Variants in C4orf51 observed in about 807,000 individuals in gnomAD.
C4orf51 encodes the protein uncharacterized protein C4orf51.
A neutral mutation model predicts 25.2 loss-of-function variants in C4orf51; 25 were observed. The observed-to-expected ratio is 0.99, with a 90% confidence interval of 0.72 to 1.39. The LOEUF (loss-of-function observed/expected upper bound fraction) is 1.39, where lower values mean the gene tolerates loss of function less well. Among genes scored for constraint, C4orf51 ranks in the 40% most tolerant of loss-of-function variants. The pLI, the probability that C4orf51 is intolerant of heterozygous loss-of-function variation, is 0.00. For missense variants in C4orf51, 252 were observed against 239.6 expected, an observed-to-expected ratio of 1.05 and a Z score of -0.34; for synonymous variants, 100 against 84.5, an observed-to-expected ratio of 1.18 and a Z score of -1.01.
chr4:145,697,648 A>T (rs1742718746), intron 2 of C4orf51, among the ~76,000 whole-genome samples: 2 of 65,502 alleles, frequency 3.1e-5, no homozygotes, highest in African/African-American at 1.1e-4. Flanking sequence ...CACTTAGCAT[A>T]AAGTCCTCCA....
At chr4:145,755,799 G>A (rs1313355598), downstream of C4orf51, among the ~76,000 whole-genome samples, 2 of 152,202 alleles carry the variant, frequency 1.3e-5, no homozygotes, top group Admixed American at 1.3e-4. Flanking sequence ...AGGGAATGAT[G>A]TAAGCAAGAA....
chr4:145,717,498 C>T (rs1731486195), intron 2 of C4orf51, among the ~76,000 whole-genome samples: 1 of 152,134 alleles, frequency 6.6e-6, no homozygotes. Flanking sequence ...TTTCCATTTC[C>T]ATGTCAAATT....
At chr4:145,748,897 G>A (rs754223154) in intron 1 of C4orf51, among the ~76,000 whole-genome samples, 2 of 151,962 alleles carry the variant, frequency 1.3e-5, no homozygotes, top group Non-Finnish European at 2.9e-5. Context: ...GGTCAATAGT[G>A]CAGATTAAGT....
chr4:145,784,142 C>T, the C4orf51 span, among the ~76,000 whole-genome samples: 1 of 152,178 alleles, frequency 6.6e-6, no homozygotes, highest in Non-Finnish European at 1.5e-5. Context: ...CAGATGCCAG[C>T]ATCATGCTTC....
downstream of C4orf51, among the ~76,000 whole-genome samples, chr4:145,736,520 C>T (rs1008884501): frequency 1.3e-5 from 2 of 152,096 alleles, no homozygotes; most frequent in East Asian, 3.9e-4. Flanking sequence ...CAACAGCTGC[C>T]GTCCATCAGC....
chr4:145,780,569 C>T, the C4orf51 span, among the ~76,000 whole-genome samples: 2 of 152,096 alleles, frequency 1.3e-5, no homozygotes, highest in Non-Finnish European at 2.9e-5. Flanking sequence ...CATTCTTATC[C>T]CTAGGATTAC....
At chr4:145,693,858 C>G in intron 1 of C4orf51, among the ~76,000 whole-genome samples, 1 of 126,422 alleles carries the variant, frequency 7.9e-6, no homozygotes, top group Non-Finnish European at 1.7e-5. Context: ...CCCCCACCTC[C>G]CTCCCGGACG....
chr4:145,729,662 G>A (rs1004528859), intron 4 of C4orf51, among the ~76,000 whole-genome samples: 4 of 152,054 alleles, frequency 2.6e-5, no homozygotes, highest in Admixed American at 6.6e-5. Flanking sequence ...CACCCACATT[G>A]TTACATCATT....
the C4orf51 span, among the ~76,000 whole-genome samples, chr4:145,787,464 GAAAAAA>G: frequency 1.2e-5 from 1 of 83,216 alleles, no homozygotes; most frequent in Non-Finnish European, 2.4e-5. Flanking sequence ...TCCGTCTCAG[GAAAAAA>G]AAAAAAAAAA....
intron 1 of C4orf51, among the ~76,000 whole-genome samples, chr4:145,747,549 C>G (rs1733438603): frequency 6.6e-6 from 1 of 152,040 alleles, no homozygotes; most frequent in Admixed American, 6.5e-5. Context: ...TGAGATAAAT[C>G]CCACTTGGTA....
At chr4:145,753,687 A>T (rs1733801867) in intron 1 of C4orf51, among the ~76,000 whole-genome samples, 1 of 152,142 alleles carries the variant, frequency 6.6e-6, no homozygotes. Context: ...TAAGAGAGCC[A>T]CTGGGATGCC....
chr4:145,717,717 T>A (rs1731496411), intron 2 of C4orf51, among the ~76,000 whole-genome samples: 1 of 152,236 alleles, frequency 6.6e-6, no homozygotes, highest in Non-Finnish European at 1.5e-5. Flanking sequence ...TTTTCACATC[T>A]GCCTTTCAAA....
intron 2 of C4orf51, among the ~76,000 whole-genome samples, chr4:145,708,014 G>A (rs909564362): frequency 6.6e-6 from 1 of 152,220 alleles, no homozygotes; most frequent in African/African-American, 2.4e-5. Context: ...CTGGCAGAAG[G>A]GGCAAGCCAT....
At chr4:145,771,671 C>T (rs1246198093), downstream of C4orf51, among the ~76,000 whole-genome samples, 2 of 150,672 alleles carry the variant, frequency 1.3e-5, no homozygotes, top group African/African-American at 5.0e-5. Context: ...TCAGGTATCC[C>T]TTTAACATAA....
chr4:145,787,018 C>T, the C4orf51 span, among the ~76,000 whole-genome samples: 2 of 152,162 alleles, frequency 1.3e-5, no homozygotes, highest in Non-Finnish European at 2.9e-5. Flanking sequence ...GTTGCTCATG[C>T]CAGTCCTAAC....
chr4:145,680,268 A>G lies in C4orf51; in HGVS notation c.65A>G (p.Glu22Gly), dbSNP rs955027300. Residue 22 changes from glutamate to glycine, a missense_variant, in exon 1 of 6, where the codon GAG becomes GGG. Coordinates refer to ENST00000438731, the MANE Select transcript of C4orf51 (RefSeq NM_001080531.3). ...LLPFSPLTSQ[E>G]FDLIRRKAGA... ...CCCTTTAGCCCTCTTACTTCTCAAG[A>G]GTTTGATCTGATCAGACGCAAGGCT... 2 of 1,613,876 alleles carry G rather than the reference A, an allele frequency of 1.2e-6. No individual in the cohort carries two copies. The highest frequency in any genetic ancestry group is 2.7e-5 in the African/African-American group (2 of 74,932).
chr4:145,743,576 C>G (rs1488040103), intron 1 of C4orf51, among the ~76,000 whole-genome samples: 3 of 152,250 alleles, frequency 2.0e-5, no homozygotes, highest in Non-Finnish European at 4.4e-5. Flanking sequence ...GTTTTCAACA[C>G]ATGAACTTTG....
intron 2 of C4orf51, among the ~76,000 whole-genome samples, chr4:145,718,590 A>G (rs1731544402): frequency 6.6e-6 from 1 of 152,242 alleles, no homozygotes; most frequent in Non-Finnish European, 1.5e-5. Flanking sequence ...TTGCCAACAC[A>G]ATCTATTCTC....
At chr4:145,699,078 A>G (rs1486522786) in intron 2 of C4orf51, among the ~76,000 whole-genome samples, 3 of 143,394 alleles carry the variant, frequency 2.1e-5, no homozygotes, top group Non-Finnish European at 4.6e-5. Flanking sequence ...TGCAACCCCC[A>G]CTCCTGCCCG....
Sources: allele counts gnomAD v4.1 joint callset (sites outside exome capture counted in the v4.1 genomes callset), GRCh38; gene constraint gnomAD v4.1.1; transcripts MANE v1.5; gene names NCBI Gene and HGNC (gene_info 2026-07-23, HGNC 2026-07-21).